Variants in PARVA observed in about 807,000 individuals in gnomAD.
The protein encoded by PARVA is alpha-parvin.
A neutral mutation model predicts 52.6 loss-of-function variants in PARVA; 25 were observed. The observed-to-expected ratio is 0.48, with a 90% CI of 0.35 to 0.66. The LOEUF (loss-of-function observed/expected upper bound fraction) is 0.66. Ranked by LOEUF, PARVA falls within the 30% of genes least tolerant of loss-of-function variation. The pLI is 0.01. For missense variants in PARVA, 373 were observed against 450.9 expected (o/e 0.83, Z 1.56); for synonymous variants, 185 against 179.1 (o/e 1.03, Z -0.26).
At chr11:12,526,367 A>G (rs955107407) in intron 12 of PARVA, among the ~76,000 whole-genome samples, 1 of 152,028 alleles carries the variant, frequency 6.6e-6, no homozygotes. Flanking sequence ...CTTCTTTCCC[A>G]GTGGCTTGGT....
chr11:12,483,926 T>C lies in PARVA; in HGVS notation c.400+5977T>C, dbSNP rs1385674996. The stretch of plus-strand genomic sequence containing the variant: ...CCAGAATGAGGAGGAAGTTCCTTCC[T>C]ACCCCAGCCAAAAAGTCACCTCATT... On this transcript the variant is annotated intron_variant, in intron 4 of 12. Coordinates refer to ENST00000334956, the MANE Select transcript of PARVA (RefSeq NM_018222.5). Among the ~76,000 whole-genome samples the C allele has an allele frequency of 3.9e-5, 6 of 152,304 alleles. No individual in the cohort carries two copies. The East Asian group carries it at 7.7e-4, about 20-fold the overall frequency.
At chr11:12,454,139 G>GT (rs764292567) in intron 1 of PARVA, among the ~76,000 whole-genome samples, 1 of 152,212 alleles carries the variant, frequency 6.6e-6, no homozygotes, top group Non-Finnish European at 1.5e-5. Context: ...AGCAGAGCTG[G>GT]TGTTTGCCCT....
chr11:12,394,695 A>G (rs1027575556), intron 1 of PARVA, among the ~76,000 whole-genome samples: 2 of 152,202 alleles, frequency 1.3e-5, no homozygotes, highest in African/African-American at 4.8e-5. Context: ...GATTACAATC[A>G]TCCTCCTGTA....
chr11:12,450,841 T>C (rs1940614165), intron 1 of PARVA, among the ~76,000 whole-genome samples: 1 of 152,198 alleles, frequency 6.6e-6, no homozygotes, highest in Non-Finnish European at 1.5e-5. Flanking sequence ...ACTCAGCAAG[T>C]CTGCTCTTCC....
intron 4 of PARVA, chr11:12,479,488 G>C (rs942740135): frequency 6.6e-6 from 1 of 152,086 alleles, no homozygotes; most frequent in Non-Finnish European, 1.5e-5. Context: ...ATTTTTTCTG[G>C]AGACGGGGTT....
intron 4 of PARVA, among the ~76,000 whole-genome samples, chr11:12,489,452 A>C (rs2135053282): frequency 6.6e-6 from 1 of 152,326 alleles, no homozygotes; most frequent in East Asian, 1.9e-4. Context: ...TAGAAAGACA[A>C]CAGAATAGAA....
chr11:12,504,459 G>A, intron 6 of PARVA, 30 bp downstream of exon 6: 1 of 1,401,688 alleles, frequency 7.1e-7, no homozygotes, highest in South Asian at 1.2e-5. Flanking sequence ...AAACATCTGT[G>A]TCTTTAAAGA....
chr11:12,452,876 G>C (rs919561748), intron 1 of PARVA: 4 of 363,474 alleles, frequency 1.1e-5, no homozygotes, highest in East Asian at 7.5e-5. Flanking sequence ...CATTCTCTTC[G>C]GGAAGCATTT....
At chr11:12,523,233 TAG>T (rs927532925) in intron 12 of PARVA, among the ~76,000 whole-genome samples, 1 of 151,950 alleles carries the variant, frequency 6.6e-6, no homozygotes, top group African/African-American at 2.4e-5. Flanking sequence ...CGGTGGGGAA[TAG>T]AGAGCAGGTA....
intron 1 of PARVA, among the ~76,000 whole-genome samples, chr11:12,384,240 C>T (rs1262122077): frequency 6.6e-6 from 1 of 152,202 alleles, no homozygotes; most frequent in Non-Finnish European, 1.5e-5. Flanking sequence ...TCTCCTGATA[C>T]TGGTTTCCTC....
At chr11:12,493,746 GA>G (rs1941261395) in intron 4 of PARVA, among the ~76,000 whole-genome samples, 1 of 152,292 alleles carries the variant, frequency 6.6e-6, no homozygotes, top group Admixed American at 6.5e-5. Context: ...TCCAATAATG[GA>G]AAACACATTT....
chr11:12,384,669 A>G (rs952681310), intron 1 of PARVA, among the ~76,000 whole-genome samples: 1 of 152,214 alleles, frequency 6.6e-6, no homozygotes, highest in South Asian at 2.1e-4. Flanking sequence ...CCATATGTAT[A>G]TCTTGGAAAA....
At position 12,443,785 on chromosome 11, in the gene PARVA, G is replaced by C. The variant is rs1940504479; in HGVS notation, c.137-29960G>C. Among the ~76,000 whole-genome samples the C allele has an allele frequency of 2.0e-5, 3 of 152,068 alleles. No homozygotes were observed. In the South Asian group the frequency reaches 6.2e-4, roughly 32 times the overall value. ...CTTGCCTGTACCCTTAGGCAATATG[G>C]CCACCATTGCTGATTCCTGCTCTGA... On this transcript the variant is annotated intron_variant, in intron 1 of 12. Coordinates refer to ENST00000334956, the MANE Select transcript of PARVA (RefSeq NM_018222.5).
chr11:12,480,868 C>A (rs1301866097), intron 4 of PARVA: 31 of 147,464 alleles, frequency 2.1e-4, no homozygotes, highest in Non-Finnish European at 4.4e-5. Context: ...AGTCTGGAAG[C>A]AGAGATTTTG....
At chr11:12,393,043 TGAAAAAA>T (rs1359001685) in intron 1 of PARVA, among the ~76,000 whole-genome samples, 5 of 78,588 alleles carry the variant, frequency 6.4e-5, no homozygotes, top group Admixed American at 1.7e-4. Flanking sequence ...CCCCAAATTG[TGAAAAAA>T]AAAAAAAAAA....
rs530696656 is a variant in PARVA at position 12,531,689 on chromosome 11, A to G, written c.*3764A>G. Among the ~76,000 whole-genome samples the G allele has an allele frequency of 6.6e-6, 1 of 151,728 alleles. No individual in the cohort carries two copies. The highest frequency in any genetic ancestry group is 1.9e-4 in the East Asian group (1 of 5,182). ...ATCTTACCTTTATAATACATCCTAGATAGGCAAGAGGGATATGTCCTGAAA... is the reference window on the plus strand; with the variant it reads ...ATCTTACCTTTATAATACATCCTAGGTAGGCAAGAGGGATATGTCCTGAAA... On this transcript the variant is annotated 3_prime_UTR_variant, in exon 13 of 13. Transcript: ENST00000334956.
chr11:12,510,602 C>G (rs950224118), intron 7 of PARVA, among the ~76,000 whole-genome samples: 1 of 152,104 alleles, frequency 6.6e-6, no homozygotes. Context: ...ACTGGACTTA[C>G]AGTTCCACAT....
intron 1 of PARVA, among the ~76,000 whole-genome samples, chr11:12,465,583 G>A (rs748089580): frequency 1.5e-4 from 23 of 151,874 alleles, no homozygotes; most frequent in Non-Finnish European, 2.1e-4. Flanking sequence ...CTCTAGTTTC[G>A]CCTTTTCCAG....
chr11:12,423,204 A>G, intron 1 of PARVA, among the ~76,000 whole-genome samples: 1 of 140,160 alleles, frequency 7.1e-6, no homozygotes, highest in African/African-American at 2.6e-5. Flanking sequence ...TTTTTTTGAG[A>G]CGGGGTCTTG....
Sources: allele counts gnomAD v4.1 joint callset (sites outside exome capture counted in the v4.1 genomes callset), GRCh38; gene constraint gnomAD v4.1.1; transcripts MANE v1.5; gene names NCBI Gene and HGNC (gene_info 2026-07-23, HGNC 2026-07-21).